FNBP1: variants seen among roughly 807,000 people sequenced by gnomAD.
The protein encoded by FNBP1 is formin binding protein 1.
Under a neutral mutation model 90.6 loss-of-function variants are expected in FNBP1, and 26 were observed. The ratio of observed to expected loss-of-function variants is 0.29; its 90% CI spans 0.21 to 0.40. The LOEUF (loss-of-function observed/expected upper bound fraction) is 0.40, where lower values mean the gene tolerates loss of function less well. Among genes scored for constraint, FNBP1 ranks in the 10% least tolerant of loss-of-function variants. The pLI is 1.00. For synonymous variants in FNBP1, 260 were observed against 265.2 expected (o/e 0.98, Z 0.19); for missense variants, 635 against 768.0 (o/e 0.83, Z 2.05).
At position 129,900,491 on chromosome 9, in the gene FNBP1, C is replaced by A. The variant is rs769274525; in HGVS notation, c.1485G>T (p.Arg495=). The A allele has an allele frequency of 2.5e-6, 4 of 1,600,710 alleles. No individual in the cohort carries two copies. Among genetic ancestry groups the A allele is most frequent in the South Asian group, 2.2e-5 (2 of 88,900 alleles). The part of the protein sequence containing the change: ...RLPARSEQAR[R]QSGLYDSQNP... ...TCTGGCTGTCGTACAGTCCGCTCTG[C>A]CGGCGCGCCTGCTCGCTGCGTGCTG... The change falls in exon 14 of 17, where the codon CGG becomes CGT. Residue 495 remains arginine (R), a synonymous_variant. Coordinates refer to ENST00000446176, the MANE Select transcript of FNBP1 (RefSeq NM_015033.3). This position sits in a 1 kb window ranked among gnomAD's most constrained non-coding sequence, Gnocchi z 4.1.
At chr9:130,011,263 TATATAA>T (rs1184017784) in intron 1 of FNBP1, among the ~76,000 whole-genome samples, 2,498 of 82,524 alleles carry the variant, frequency 0.03, 122 homozygotes, top group East Asian at 0.044. Flanking sequence ...TATATATATA[TATATAA>T]AATATATATA....
intron 11 of FNBP1, among the ~76,000 whole-genome samples, chr9:129,909,212 C>CT (rs1392823918): frequency 1.3e-5 from 2 of 152,156 alleles, no homozygotes; most frequent in Non-Finnish European, 2.9e-5. Flanking sequence ...TCCATGGATG[C>CT]TGGCCAGAAT....
chr9:129,995,565 C>G (rs1169820434), intron 1 of FNBP1, among the ~76,000 whole-genome samples: 4 of 152,072 alleles, frequency 2.6e-5, no homozygotes, highest in Non-Finnish European at 5.9e-5. Flanking sequence ...AAGAGGGAGC[C>G]TGGGTAACAC....
At chr9:129,905,292 G>GTATATATATATATATATATATATA (rs71497501) in intron 12 of FNBP1, among the ~76,000 whole-genome samples, 2 of 56,252 alleles carry the variant, frequency 3.6e-5, no homozygotes, top group African/African-American at 9.8e-5. Context: ...GTGTGTGTGT[G>GTATATATATATATATATATATATA]TGTATATATA....
At chr9:130,011,246 AT>A (rs1306028697) in intron 1 of FNBP1, among the ~76,000 whole-genome samples, 1 of 38,568 alleles carries the variant, frequency 2.6e-5, no homozygotes, top group African/African-American at 9.4e-5. Context: ...AAAAAAAAAT[AT>A]ATATATATAT....
chr9:129,938,409 G>A (rs890655405), intron 6 of FNBP1, among the ~76,000 whole-genome samples: 1 of 152,066 alleles, frequency 6.6e-6, no homozygotes, highest in Non-Finnish European at 1.5e-5. Flanking sequence ...AGACTTCCAG[G>A]CCAGGAGCTT....
chr9:130,043,114 C>A lies in FNBP1; in HGVS notation c.-139G>T. 1.4e-6 allele frequency: 1 copy of A among 704,106 alleles called. No individual in the cohort carries two copies. The highest frequency in any genetic ancestry group is 2.0e-6 in the Non-Finnish European group (1 of 509,206). 43.6% of individuals were successfully genotyped at this position (704,106 alleles called of 1,614,324 possible). A position where few individuals can be genotyped will look rare whatever the true frequency, so the allele number is the denominator to read the frequency against. ...GCGCGGCCTCCTCCGGCTCGCAGCT[C>A]CTCGCCCGGGGTCTCCTCGGCGGCT... On this transcript the variant is annotated 5_prime_UTR_variant, in exon 1 of 17. Coordinates refer to ENST00000446176, the MANE Select transcript of FNBP1 (RefSeq NM_015033.3).
upstream of FNBP1, among the ~76,000 whole-genome samples, chr9:130,043,516 G>T (rs6478939): frequency 0.64 from 98,104 of 152,284 alleles, 32,384 homozygotes; most frequent in East Asian, 0.93. Context: ...CGCGGTCTGA[G>T]ATCGCTCCCC....
intron 7 of FNBP1, among the ~76,000 whole-genome samples, chr9:129,929,153 T>A (rs2042350768): frequency 1.3e-5 from 2 of 151,776 alleles, no homozygotes; most frequent in Non-Finnish European, 1.5e-5. Context: ...CTCAGGCCTG[T>A]AATCCCACCA....
At chr9:129,939,772 A>C (rs1451146696) in intron 6 of FNBP1, among the ~76,000 whole-genome samples, 1 of 152,184 alleles carries the variant, frequency 6.6e-6, no homozygotes, top group Non-Finnish European at 1.5e-5. Context: ...GAGAAAAAAC[A>C]ATCTCTGTCA....
chr9:129,889,201 C>T lies in FNBP1; in HGVS notation c.*1338G>A, dbSNP rs150156540. ...CGAATTCCACATGCCCTGAAGAGCA[C>T]GTGATAAAATACAAGGGTGGTGGCG... On this transcript the variant is annotated 3_prime_UTR_variant, in exon 17 of 17. Coordinates refer to ENST00000446176, the MANE Select transcript of FNBP1 (RefSeq NM_015033.3). 30 of 206,726 alleles carry T rather than the reference C, an allele frequency of 1.5e-4. No homozygotes were observed. The highest frequency in any genetic ancestry group is 2.8e-4 in the Non-Finnish European group (28 of 101,002). The allele number at this position is 206,726 out of a possible 1,614,324, so 12.8% of individuals were successfully genotyped here.
At position 129,890,606 on chromosome 9, in the gene FNBP1, C is replaced by T. The variant is rs2035007887; in HGVS notation, c.1847-60G>A. 1 of 1,497,660 alleles carries T rather than the reference C, an allele frequency of 6.7e-7. No homozygotes were observed. The allele number at this position is 1,497,660 out of a possible 1,614,324, so 92.8% of individuals were successfully genotyped here. A position where few individuals can be genotyped will look rare whatever the true frequency, so the allele number is the denominator to read the frequency against. On this transcript the variant is annotated intron_variant, in intron 16 of 16. Transcript: ENST00000446176. The surrounding 1 kb of genome is among the most constrained non-coding windows in gnomAD (Gnocchi z 5.8). Reference sequence around the variant, plus strand: ...CTGTTAGAGAGGAAGGCGCGGGTTCCAGGCGGGCATTTTGCTCTTGGCTAC... The same window carrying T: ...CTGTTAGAGAGGAAGGCGCGGGTTCTAGGCGGGCATTTTGCTCTTGGCTAC...
At chr9:130,000,342 T>C (rs188459327) in intron 1 of FNBP1, among the ~76,000 whole-genome samples, 45 of 151,864 alleles carry the variant, frequency 3.0e-4, no homozygotes, top group Admixed American at 2.6e-3. Context: ...AATACAAAAA[T>C]TAGCTGGGTG....
At chr9:129,987,837 GT>G (rs2052532043) in intron 2 of FNBP1, among the ~76,000 whole-genome samples, 1 of 151,838 alleles carries the variant, frequency 6.6e-6, no homozygotes, top group Non-Finnish European at 1.5e-5. Context: ...GCATCCCTCA[GT>G]TTCACTTTAC....
At chr9:129,904,349 T>C (rs7044285) in intron 12 of FNBP1, among the ~76,000 whole-genome samples, 87,911 of 151,992 alleles carry the variant, frequency 0.58, 25,713 homozygotes, top group East Asian at 0.8. Flanking sequence ...TAGAGAAGTT[T>C]GGGGCATGTT....
At chr9:129,968,569 T>C (rs1748272806) in intron 4 of FNBP1, among the ~76,000 whole-genome samples, 2 of 152,212 alleles carry the variant, frequency 1.3e-5, no homozygotes, top group Admixed American at 1.3e-4. Flanking sequence ...GCTGCAGAAC[T>C]GGCTTATAGG....
chr9:129,973,778 C>T (rs534671226), intron 4 of FNBP1, among the ~76,000 whole-genome samples: 4 of 150,456 alleles, frequency 2.7e-5, no homozygotes, highest in South Asian at 2.1e-4. Context: ...GCTGGGATTA[C>T]AGGCATGAGC....
At chr9:130,006,798 C>T (rs1195541915) in intron 1 of FNBP1, among the ~76,000 whole-genome samples, 1 of 152,074 alleles carries the variant, frequency 6.6e-6, no homozygotes, top group Non-Finnish European at 1.5e-5. Context: ...GAAAACACTA[C>T]GTTCATGGCT....
intron 4 of FNBP1, among the ~76,000 whole-genome samples, chr9:129,965,364 C>G (rs2048395032): frequency 6.6e-6 from 1 of 152,180 alleles, no homozygotes; most frequent in Non-Finnish European, 1.5e-5. Context: ...CAGAGGCATG[C>G]TCAGTTGCTT....
Sources: allele counts gnomAD v4.1 joint callset (sites outside exome capture counted in the v4.1 genomes callset), GRCh38; gene constraint gnomAD v4.1.1; non-coding constraint Gnocchi (gnomAD v3.1); transcripts MANE v1.5; gene names NCBI Gene and HGNC (gene_info 2026-07-23, HGNC 2026-07-21).